DEGS1: variants seen among roughly 807,000 people sequenced by gnomAD.
The protein encoded by DEGS1 is sphingolipid delta(4)-desaturase DES1.
A neutral mutation model predicts 24.1 loss-of-function variants in DEGS1; 17 were observed. The ratio of observed to expected loss-of-function variants is 0.70; its 90% confidence interval spans 0.48 to 1.06. The LOEUF (loss-of-function observed/expected upper bound fraction) is 1.06, where lower values mean the gene tolerates loss of function less well. DEGS1 is among the 50% of genes least tolerant of loss of function. The pLI, the probability that DEGS1 is intolerant of heterozygous loss-of-function variation, is 0.00. For missense variants in DEGS1, 366 were observed against 408.9 expected (o/e 0.90, Z 0.91); for synonymous variants, 134 against 140.0 (o/e 0.96, Z 0.30).
chr1:224,185,722 G>C lies in DEGS1; in HGVS notation c.82+2304G>C, dbSNP rs964604234. Reference sequence around the variant, plus strand: ...AGGGTTTTGCCACATTGGCCAGGCTGGTCTCAGATGATGCGCCTGCCATGG... The same window carrying C: ...AGGGTTTTGCCACATTGGCCAGGCTCGTCTCAGATGATGCGCCTGCCATGG... On this transcript the variant is annotated intron_variant, in intron 1 of 2. Coordinates refer to ENST00000323699, the MANE Select transcript of DEGS1 (RefSeq NM_003676.4). Among the ~76,000 whole-genome samples the C allele has an allele frequency of 2.6e-5, 4 of 152,126 alleles. No homozygotes were observed. In the South Asian group the frequency reaches 8.3e-4, roughly 32 times the overall value.
intron 1 of DEGS1, 66 bp downstream of exon 1, chr1:224,183,484 C>T (rs890599494): frequency 9.9e-6 from 12 of 1,207,354 alleles, no homozygotes; most frequent in East Asian, 9.9e-5. Context: ...GCGCTCTCCC[C>T]TCGCGGGCCC....
Position 224,189,682 on chromosome 1 carries a change from A to G in DEGS1, c.188A>G (p.Asp63Gly). The change falls in exon 2 of 3, where the codon GAC becomes GGC. Residue 63 changes from aspartate to glycine, a missense_variant. Physicochemically the swap from Asp to Gly is moderately conservative, Grantham distance 94 (BLOSUM62 -1). Transcript: ENST00000323699. ...TQLGAFYIVKDLDWKWVIFGA... is the reference protein window; with the variant it reads ...TQLGAFYIVKGLDWKWVIFGA... Reference sequence around the variant, plus strand: ...TTGGGTGCATTTTACATAGTAAAAGACTTGGACTGGAAATGGGTCATATTT... The same window carrying G: ...TTGGGTGCATTTTACATAGTAAAAGGCTTGGACTGGAAATGGGTCATATTT... 6.2e-7 allele frequency: 1 copy of G among 1,614,182 alleles called. No homozygotes were observed. Among genetic ancestry groups the G allele is most frequent in the Non-Finnish European group, 8.5e-7 (1 of 1,180,022 alleles).
intron 1 of DEGS1, among the ~76,000 whole-genome samples, chr1:224,186,565 T>C (rs2102653564): frequency 6.6e-6 from 1 of 151,914 alleles, no homozygotes; most frequent in Non-Finnish European, 1.5e-5. Context: ...TACAAAAAAT[T>C]AGCCGGGCGT....
At chr1:224,183,606 G>C (rs978745501) in intron 1 of DEGS1, 188 bp downstream of exon 1, 10 of 382,274 alleles carry the variant, frequency 2.6e-5, no homozygotes, top group Middle Eastern at 7.1e-4. Context: ...GCGAGGAGCG[G>C]GGGGAGGGAC....
intron 1 of DEGS1, 133 bp from the exon 2 acceptor site, chr1:224,189,444 A>G (rs1272272183): frequency 5.0e-6 from 3 of 601,880 alleles, no homozygotes; most frequent in Non-Finnish European, 8.2e-6. Flanking sequence ...AATATCCACT[A>G]AAGTCTCTAG....
intron 1 of DEGS1, 67 bp from the exon 2 acceptor site, chr1:224,189,505 GTTAAT>G: frequency 5.1e-6 from 6 of 1,180,758 alleles, no homozygotes; most frequent in Non-Finnish European, 7.1e-6. Flanking sequence ...TTTAATTGGT[GTTAAT>G]TTAATTATAA....
rs1658278204 is a variant in DEGS1, at chr1:224,183,249, G to A, written c.-88G>A. Reference sequence around the variant, plus strand: ...GCCACAGCCGGCCGACACCACACCAGCCGGGGAGCCGCCGCCGCCGCCGCC... The same window carrying A: ...GCCACAGCCGGCCGACACCACACCAACCGGGGAGCCGCCGCCGCCGCCGCC... On this transcript the variant is annotated 5_prime_UTR_variant, in exon 1 of 3. Coordinates refer to ENST00000323699, the MANE Select transcript of DEGS1 (RefSeq NM_003676.4). 9 of 1,255,874 alleles carry A rather than the reference G, an allele frequency of 7.2e-6. No homozygotes were observed. The Admixed American group carries it at 2.6e-4, about 37-fold the overall frequency. The allele number at this position is 1,255,874 out of a possible 1,614,324, so 77.8% of individuals were successfully genotyped here.
rs140631589 is a variant in DEGS1, at chr1:224,187,294, C to T, written c.83-2283C>T. Reference sequence around the variant, plus strand: ...TTGCACTCCAGCCTGGGCAACAGAGCGAGACTCCGTCTCAAAAAAAAAAAA... The same window carrying T: ...TTGCACTCCAGCCTGGGCAACAGAGTGAGACTCCGTCTCAAAAAAAAAAAA... On this transcript the variant is annotated intron_variant, in intron 1 of 2. Transcript: ENST00000323699. Among the ~76,000 whole-genome samples the T allele has an allele frequency of 6.4e-3, 964 of 151,282 alleles. 13 individuals carry two copies. The highest frequency in any genetic ancestry group is 0.022 in the African/African-American group (910 of 41,228).
At position 224,192,776 on chromosome 1, in the gene DEGS1, A is replaced by T. The variant is rs1060386; in HGVS notation, c.*298A>T. On this transcript the variant is annotated 3_prime_UTR_variant, in exon 3 of 3. Coordinates refer to ENST00000323699, the MANE Select transcript of DEGS1 (RefSeq NM_003676.4). ...AAAGCTTCTAAAAAGCTATTTCGCC[A>T]GGCACGGTGGCTCATGCCTATAATC... The T allele has an allele frequency of 1.1e-5, 3 of 281,260 alleles. No homozygotes were observed. The highest frequency in any genetic ancestry group is 2.0e-5 in the Non-Finnish European group (3 of 150,592). The allele number at this position is 281,260 out of a possible 1,614,324, so 17.4% of individuals were successfully genotyped here.
Position 224,183,294 on chromosome 1 carries a change from G to T in DEGS1, c.-43G>T. ...GCCGCCACCTCTGAGCAGCCGGCTG[G>T]GAGCGAGAGCCGACAGCTAGTCTGC... On this transcript the variant is annotated 5_prime_UTR_variant, in exon 1 of 3. Coordinates refer to ENST00000323699, the MANE Select transcript of DEGS1 (RefSeq NM_003676.4). The T allele has an allele frequency of 6.8e-7, 1 of 1,459,984 alleles. No individual in the cohort carries two copies. Among genetic ancestry groups the T allele is most frequent in the South Asian group, 1.3e-5 (1 of 75,022 alleles). 90.4% of individuals were successfully genotyped at this position (1,459,984 alleles called of 1,614,324 possible). A position where few individuals can be genotyped will look rare whatever the true frequency, so the allele number is the denominator to read the frequency against.
At position 224,183,299 on chromosome 1, in the gene DEGS1, G is replaced by C. The variant is rs1658281496; in HGVS notation, c.-38G>C. 1 of 1,465,554 alleles carries C rather than the reference G, an allele frequency of 6.8e-7. No individual in the cohort carries two copies. Among genetic ancestry groups the C allele is most frequent in the Non-Finnish European group, 9.1e-7 (1 of 1,104,896 alleles). The allele number at this position is 1,465,554 out of a possible 1,614,324, so 90.8% of individuals were successfully genotyped here. On this transcript the variant is annotated 5_prime_UTR_variant, in exon 1 of 3. Transcript: ENST00000323699. ...CACCTCTGAGCAGCCGGCTGGGAGC[G>C]AGAGCCGACAGCTAGTCTGCAAGCC...
intron 1 of DEGS1, among the ~76,000 whole-genome samples, chr1:224,184,388 G>A (rs1362512513): frequency 6.6e-6 from 1 of 152,190 alleles, no homozygotes; most frequent in Admixed American, 6.5e-5. Context: ...TTTAAAAAAT[G>A]AAATAAGAAC....
In DEGS1 at chr1:224,193,280, G is replaced by A. The variant is rs1658593265; in HGVS notation, c.*802G>A. 6.6e-6 allele frequency: 1 copy of A among 152,084 alleles called. No individual in the cohort carries two copies. The highest frequency in any genetic ancestry group is 1.5e-5 in the Non-Finnish European group (1 of 68,024). The allele number at this position is 152,084 out of a possible 1,614,324, so 9.4% of individuals were successfully genotyped here. A position where few individuals can be genotyped will look rare whatever the true frequency, so the allele number is the denominator to read the frequency against. ...AAAAATAATTTTTAAAAAGCCTGAG[G>A]TATGATATAGCATAAAAGATTGAGA... On this transcript the variant is annotated 3_prime_UTR_variant, in exon 3 of 3. Coordinates refer to ENST00000323699, the MANE Select transcript of DEGS1 (RefSeq NM_003676.4).
intron 2 of DEGS1, among the ~76,000 whole-genome samples, chr1:224,191,691 T>C (rs1346886849): frequency 1.4e-5 from 2 of 144,810 alleles, no homozygotes; most frequent in Non-Finnish European, 3.0e-5. Flanking sequence ...GCCTCCCGAG[T>C]TCAAGCAATT....
intron 2 of DEGS1, among the ~76,000 whole-genome samples, chr1:224,191,332 G>T (rs1273515648): frequency 1.3e-5 from 2 of 151,576 alleles, no homozygotes; most frequent in South Asian, 2.1e-4. Context: ...GGAGGTTGCA[G>T]TGAGCCGAGA....
intron 2 of DEGS1, among the ~76,000 whole-genome samples, chr1:224,191,456 A>T (rs971936574): frequency 2.0e-5 from 3 of 151,896 alleles, no homozygotes; most frequent in Non-Finnish European, 2.9e-5. Context: ...TCCTGGGCTC[A>T]AGTGATTCTC....
rs1364255364 is a variant in DEGS1 at position 224,193,183 on chromosome 1, T to G, written c.*705T>G. Reference sequence around the variant, plus strand: ...ACAGTGTATTAGTATTTGTTACATTTTTGTATTTCACTATCTTTATACTAT... The same window carrying G: ...ACAGTGTATTAGTATTTGTTACATTGTTGTATTTCACTATCTTTATACTAT... On this transcript the variant is annotated 3_prime_UTR_variant, in exon 3 of 3. Coordinates refer to ENST00000323699, the MANE Select transcript of DEGS1 (RefSeq NM_003676.4). 1.3e-5 allele frequency: 2 copies of G among 152,236 alleles called. No individual in the cohort carries two copies. The highest frequency in any genetic ancestry group is 2.9e-5 in the Non-Finnish European group (2 of 68,046). 9.4% of individuals were successfully genotyped at this position (152,236 alleles called of 1,614,324 possible).
rs776185644 is a variant in DEGS1 at position 224,190,076 on chromosome 1, C to G, written c.582C>G (p.Val194=). 78 of 1,613,762 alleles carry G rather than the reference C, an allele frequency of 4.8e-5. No individual in the cohort carries two copies. In the Admixed American group the frequency reaches 1.3e-3, roughly 27 times the overall value. ...YLEVINTVAQ[V]TFDILIYYFL... ...AAGTTATCAATACCGTGGCACAGGT[C>G]ACTTTTGACATTTTAATTTATTACT... Residue 194 remains valine, a synonymous_variant, in exon 2 of 3, where the codon GTC becomes GTG. Transcript: ENST00000323699.
chr1:224,184,043 G>T (rs1200128931), intron 1 of DEGS1, among the ~76,000 whole-genome samples: 1 of 152,236 alleles, frequency 6.6e-6, no homozygotes, highest in African/African-American at 2.4e-5. Context: ...GGCCCTGGTC[G>T]GTTCACGCCG....
Sources: gnomAD v4.1 joint callset for allele counts (sites outside exome capture counted in the v4.1 genomes callset) on GRCh38, gnomAD v4.1.1 for gene constraint, MANE v1.5 for transcripts, NCBI Gene and HGNC (gene_info 2026-07-23, HGNC 2026-07-21) for gene names.